Variants in EPHA4 observed in about 807,000 individuals in gnomAD.
EPHA4 encodes ephrin type-A receptor 4.
In EPHA4, 19 loss-of-function variants were observed where a neutral mutation model predicts 108.3. The ratio of observed to expected loss-of-function variants is 0.18; its 90% CI spans 0.12 to 0.26. EPHA4 has a LOEUF of 0.26. Among genes scored for constraint, EPHA4 ranks in the 10% least tolerant of loss-of-function variants. The pLI, the probability that EPHA4 is intolerant of heterozygous loss-of-function variation, is 1.00. For synonymous variants in EPHA4, 449 were observed against 455.5 expected, an observed-to-expected ratio of 0.99 and a Z score of 0.18; for missense variants, 917 against 1,254.0, an observed-to-expected ratio of 0.73 and a Z score of 4.06.
Position 221,501,187 on chromosome 2 carries a change from A to G in EPHA4, c.824-15T>C, listed in dbSNP as rs1399018590. ...AATTTTGCAAGCTGCAGGGAAGAAG[A>G]AAAAAACAAACAAATAGAAACCACT... On this transcript the variant is annotated splice_polypyrimidine_tract_variant and intron_variant, in intron 3 of 17. Coordinates refer to ENST00000281821, the MANE Select transcript of EPHA4 (RefSeq NM_004438.5). The G allele has an allele frequency of 1.9e-6, 3 of 1,553,506 alleles. No individual in the cohort carries two copies. In the South Asian group the frequency reaches 3.7e-5, roughly 19 times the overall value.
At chr2:221,521,762 A>G (rs1693171807) in intron 3 of EPHA4, among the ~76,000 whole-genome samples, 1 of 152,086 alleles carries the variant, frequency 6.6e-6, no homozygotes, top group Non-Finnish European at 1.5e-5. Flanking sequence ...ATCACCTAAG[A>G]TCAAGAGTTT....
At chr2:221,459,638 TG>T (rs1334975752) in intron 5 of EPHA4, among the ~76,000 whole-genome samples, 1 of 152,018 alleles carries the variant, frequency 6.6e-6, no homozygotes, top group Non-Finnish European at 1.5e-5. Context: ...TCCAACAAAA[TG>T]CAAAAAGTGA....
rs141682641 is a variant in EPHA4, at chr2:221,438,262, G to A, written c.2075-1140C>T. 2.3e-3 allele frequency among the ~76,000 whole-genome samples: 352 copies of A among 151,824 alleles called. 2 individuals are homozygous for A. The highest frequency in any genetic ancestry group is 8.0e-3 in the African/African-American group (330 of 41,370). ...GTAAATAAGATTTTCACAAAAGTCC[G>A]CTTTCTGAGGACTTTAGGACATAAG... is the stretch of plus-strand genomic sequence containing the variant. On this transcript the variant is annotated intron_variant, in intron 11 of 17. Coordinates refer to ENST00000281821, the MANE Select transcript of EPHA4 (RefSeq NM_004438.5).
At chr2:221,508,482 G>C (rs956733739) in intron 3 of EPHA4, among the ~76,000 whole-genome samples, 4 of 151,858 alleles carry the variant, frequency 2.6e-5, no homozygotes, top group Non-Finnish European at 5.9e-5. Context: ...TGGAGGCTGA[G>C]GCAGGAGAAT....
At position 221,457,993 on chromosome 2, in the gene EPHA4, G is replaced by A. The variant is rs1287779311; in HGVS notation, c.1319-3C>T. ...GACCAAAGCAATGGATGATGGTGCTGTTAGAAAAAAACAAAAGACAAAAGA... is the reference window on the plus strand; with the variant it reads ...GACCAAAGCAATGGATGATGGTGCTATTAGAAAAAAACAAAAGACAAAAGA... On this transcript the variant is annotated splice_polypyrimidine_tract_variant and splice_region_variant and intron_variant, in intron 5 of 17. Transcript: ENST00000281821. 27 of 1,604,294 alleles carry A rather than the reference G, an allele frequency of 1.7e-5. No individual in the cohort carries two copies. The highest frequency in any genetic ancestry group is 2.3e-5 in the Non-Finnish European group (27 of 1,177,148).
At chr2:221,559,644 C>T (rs1045636736) in intron 3 of EPHA4, among the ~76,000 whole-genome samples, 2 of 152,144 alleles carry the variant, frequency 1.3e-5, no homozygotes, top group Non-Finnish European at 2.9e-5. Flanking sequence ...TGAAAACAGT[C>T]CTGTAAAACA....
rs139187611 is a variant in EPHA4 at position 221,552,108 on chromosome 2, C to T, written c.823+11623G>A. On this transcript the variant is annotated intron_variant, in intron 3 of 17. Transcript: ENST00000281821. Reference sequence around the variant, plus strand: ...ACATTGTTAATTATCTACAAGTCCACGCTCAAAAACCAGAGGCTGCTTATG... The same window carrying T: ...ACATTGTTAATTATCTACAAGTCCATGCTCAAAAACCAGAGGCTGCTTATG... 1.7e-3 allele frequency among the ~76,000 whole-genome samples: 254 copies of T among 152,220 alleles called. 2 individuals are homozygous for T. Among genetic ancestry groups the T allele is most frequent in the African/African-American group, 5.8e-3 (239 of 41,528 alleles).
intron 3 of EPHA4, among the ~76,000 whole-genome samples, chr2:221,521,348 T>G (rs1693159435): frequency 6.6e-6 from 1 of 152,196 alleles, no homozygotes; most frequent in South Asian, 2.1e-4. Flanking sequence ...AAAGTAGAAT[T>G]GAAACTGGAC....
chr2:221,556,164 A>T (rs1034903652), intron 3 of EPHA4, among the ~76,000 whole-genome samples: 7 of 152,262 alleles, frequency 4.6e-5, no homozygotes, highest in Admixed American at 2.0e-4. Flanking sequence ...CTGAAAAATA[A>T]ATTTTTAAAT....
chr2:221,426,131 C>G lies in EPHA4; in HGVS notation c.2858G>C (p.Arg953Thr), dbSNP rs35341687. ...GTGCGTGATGGCTGTGATACCAATT[C>G]TTGCCAGGTCCCTGTACATAGGGCG... ...VVHVNQEDLA[R>T]IGITAITHQN... Residue 953 changes from arginine to threonine, a missense_variant, in exon 17 of 18, where the codon AGA (arginine) becomes ACA (threonine). Transcript: ENST00000281821. The G allele has an allele frequency of 1.9e-6, 3 of 1,614,084 alleles. No individual in the cohort carries two copies. The Admixed American group carries it at 5.0e-5, about 27-fold the overall frequency.
chr2:221,510,927 T>G lies in EPHA4; in HGVS notation c.824-9755A>C, dbSNP rs145471495. 3.2e-3 allele frequency among the ~76,000 whole-genome samples: 489 copies of G among 152,262 alleles called. 3 individuals are homozygous for G. Among genetic ancestry groups the G allele is most frequent in the South Asian group, 0.015 (72 of 4,832 alleles). The stretch of plus-strand genomic sequence containing the variant: ...AAGAGTAACTTCCACTGTCATAAAC[T>G]CTACTTAAAAACAGCTCTGCTTCAT... On this transcript the variant is annotated intron_variant, in intron 3 of 17. Transcript: ENST00000281821.
chr2:221,446,115 T>C lies in EPHA4; in HGVS notation c.1774+8A>G. On this transcript the variant is annotated splice_region_variant and intron_variant, in intron 9 of 17. Transcript: ENST00000281821. ...AAAAATAGAATTTTTTAATCCAATT[T>C]TTTGTACCTTGATTCAAATGTTTCT... is the stretch of plus-strand genomic sequence containing the variant. 6.5e-7 allele frequency: 1 copy of C among 1,531,816 alleles called. No individual in the cohort carries two copies. Among genetic ancestry groups the C allele is most frequent in the Non-Finnish European group, 8.8e-7 (1 of 1,141,408 alleles). 94.9% of individuals were successfully genotyped at this position (1,531,816 alleles called of 1,614,324 possible).
chr2:221,466,096 C>T (rs1442902784), intron 5 of EPHA4, among the ~76,000 whole-genome samples: 2 of 152,130 alleles, frequency 1.3e-5, no homozygotes, highest in African/African-American at 4.8e-5. Context: ...TGACAGAGGC[C>T]GCGTGGCTTC....
rs1208077676 is a variant in EPHA4 at position 221,420,179 on chromosome 2, C to G, written c.*1193G>C. 6.6e-6 allele frequency: 1 copy of G among 152,630 alleles called. No homozygotes were observed. The highest frequency in any genetic ancestry group is 1.5e-5 in the Non-Finnish European group (1 of 68,050). The allele number at this position is 152,630 out of a possible 1,614,324, so 9.5% of individuals were successfully genotyped here. A position where few individuals can be genotyped will look rare whatever the true frequency, so the allele number is the denominator to read the frequency against. ...AAGACCTGTAGCATTTGGTCACTTGCTGCCACACCAATGCAGCAGTGACAC... is the reference window on the plus strand; with the variant it reads ...AAGACCTGTAGCATTTGGTCACTTGGTGCCACACCAATGCAGCAGTGACAC... On this transcript the variant is annotated 3_prime_UTR_variant, in exon 18 of 18. Transcript: ENST00000281821.
chr2:221,541,528 C>T (rs937385350), intron 3 of EPHA4, among the ~76,000 whole-genome samples: 10 of 152,172 alleles, frequency 6.6e-5, no homozygotes, highest in East Asian at 3.9e-4. Context: ...AATGTTGAGC[C>T]GGGGAGGCGG....
intron 7 of EPHA4, 99 bp from the exon 8 acceptor site, chr2:221,455,757 G>T: frequency 1.2e-6 from 1 of 811,892 alleles, no homozygotes; most frequent in Non-Finnish European, 2.1e-6. Context: ...GCCACTTGGA[G>T]AGAGAAAGAC....
rs1261204125 is a variant in EPHA4, at chr2:221,466,986, T to C, written c.1319-8996A>G. On this transcript the variant is annotated intron_variant, in intron 5 of 17. Transcript: ENST00000281821. The stretch of plus-strand genomic sequence containing the variant: ...ACGTAAATCTTTCTAAAGTCTGCTC[T>C]GTTAGGTACAGGGGTATCTGTGTAC... Among the ~76,000 whole-genome samples the C allele has an allele frequency of 1.3e-5, 2 of 152,174 alleles. 1 individual carries two copies. Among genetic ancestry groups the C allele is most frequent in the African/African-American group, 4.8e-5 (2 of 41,442 alleles).
At chr2:221,553,968 T>C (rs1694234191) in intron 3 of EPHA4, among the ~76,000 whole-genome samples, 1 of 152,190 alleles carries the variant, frequency 6.6e-6, no homozygotes, top group Admixed American at 6.5e-5. Context: ...GGAAGGGAAA[T>C]GATAATTATC....
At chr2:221,431,707 G>C (rs1332429202) in intron 14 of EPHA4, among the ~76,000 whole-genome samples, 4 of 152,124 alleles carry the variant, frequency 2.6e-5, no homozygotes, top group Non-Finnish European at 5.9e-5. Flanking sequence ...AAGCAACACT[G>C]GGCTGATGCC....
Sources: allele counts gnomAD v4.1 joint callset (sites outside exome capture counted in the v4.1 genomes callset), GRCh38; gene constraint gnomAD v4.1.1; transcripts MANE v1.5; gene names NCBI Gene and HGNC (gene_info 2026-07-23, HGNC 2026-07-21).